Variants in TNRC18 observed in about 807,000 individuals in gnomAD.
TNRC18 encodes trinucleotide repeat-containing gene 18 protein.
Under a neutral mutation model 226.7 loss-of-function variants are expected in TNRC18, and 69 were observed. The observed-to-expected ratio is 0.30, with a 90% CI of 0.25 to 0.37. The LOEUF is 0.37. Ranked by LOEUF, TNRC18 falls within the 10% of genes least tolerant of loss-of-function variation. The pLI is 1.00. For synonymous variants in TNRC18, 2,449 were observed against 1,927.6 expected (o/e 1.27, Z -7.09); for missense variants, 4,754 against 4,256.6 (o/e 1.12, Z -3.25).
Position 5,309,470 on chromosome 7 carries a change from A to C in TNRC18, c.8389-102T>G. 1.0e-6 allele frequency: 1 copy of C among 993,420 alleles called. No homozygotes were observed. The highest frequency in any genetic ancestry group is 2.6e-5 in the East Asian group (1 of 38,034). The allele number at this position is 993,420 out of a possible 1,614,324, so 61.5% of individuals were successfully genotyped here. A position where few individuals can be genotyped will look rare whatever the true frequency, so the allele number is the denominator to read the frequency against. On this transcript the variant is annotated intron_variant, in intron 27 of 29. Transcript: ENST00000430969. The surrounding 1 kb of genome is among the most constrained non-coding windows in gnomAD (Gnocchi z 5.7). ...TGGGACTCTGGGCCCTCGGCCTCTA[A>C]ATCAACCCCTATCCAACTGTGGGGA...
At chr7:5,345,517 G>GCCGCCC in intron 18 of TNRC18, 45 bp downstream of exon 18, 1 of 377,744 alleles carries the variant, frequency 2.6e-6, no homozygotes, top group Non-Finnish European at 4.8e-6. Context: ...AATGGCGTCC[G>GCCGCCC]CCCCTCCCAC....
intron 18 of TNRC18, 39 bp downstream of exon 18, chr7:5,345,523 C>CCCCCCCCCCCCCCCCCCCCACCCACA: frequency 5.6e-6 from 1 of 179,160 alleles, no homozygotes; most frequent in Non-Finnish European, 1.2e-5. Context: ...GTCCGCCCCT[C>CCCCCCCCCCCCCCCCCCCCACCCACA]CCACCCACCC....
At chr7:5,359,678 A>G in intron 14 of TNRC18, 109 bp from the exon 15 acceptor site, 1 of 1,235,926 alleles carries the variant, frequency 8.1e-7, no homozygotes, top group Non-Finnish European at 1.2e-6. Context: ...GAGCGTGGAC[A>G]GTGATGGCAG....
intron 17 of TNRC18, among the ~76,000 whole-genome samples, chr7:5,349,283 G>A (rs914367174): frequency 1.2e-4 from 18 of 152,342 alleles, no homozygotes; most frequent in East Asian, 1.2e-3. Flanking sequence ...CTGGGGAGCA[G>A]AGGGGCTCTG....
At chr7:5,354,701 G>C (rs1417899498) in intron 16 of TNRC18, among the ~76,000 whole-genome samples, 1 of 152,090 alleles carries the variant, frequency 6.6e-6, no homozygotes, top group African/African-American at 2.4e-5. Context: ...CCCACAGGGA[G>C]CATGAGTCCT....
rs748289245 is a variant in TNRC18 at position 5,374,380 on chromosome 7, G to T, written c.2904C>A (p.Pro968=). The stretch of plus-strand genomic sequence containing the variant: ...CAGGGGGCTTCCGCGGCAGCAGCCC[G>T]GGGCCGGCGGTGGCCAGGCCAGCCT... ...AGKAGLATAG[P]GLLPRKPPGL... Residue 968 remains proline, a synonymous_variant, in exon 10 of 30, where the codon CCC becomes CCA. Coordinates refer to ENST00000430969, the MANE Select transcript of TNRC18 (RefSeq NM_001080495.3). 2.0e-6 allele frequency: 3 copies of T among 1,505,174 alleles called. No homozygotes were observed. The African/African-American group carries it at 4.4e-5, about 22-fold the overall frequency. The allele number at this position is 1,505,174 out of a possible 1,614,324, so 93.2% of individuals were successfully genotyped here.
At chr7:5,374,027 G>C (rs772100803) in intron 10 of TNRC18, 28 bp downstream of exon 10, 1 of 1,500,168 alleles carries the variant, frequency 6.7e-7, no homozygotes, top group African/African-American at 1.5e-5. Context: ...GGCAGAGTGA[G>C]ACCCTGAGGG....
Position 5,309,028 on chromosome 7 carries a change from C to G in TNRC18, c.8626-79G>C. On this transcript the variant is annotated intron_variant, in intron 28 of 29. Transcript: ENST00000430969. This position sits in a 1 kb window ranked among gnomAD's most constrained non-coding sequence, Gnocchi z 5.7. ...ACCCCAGGCCCCAGGACAGGGCTGA[C>G]CCACTGGGCAGGGCTGCTGATGCTC... The G allele has an allele frequency of 6.6e-7, 1 of 1,518,276 alleles. No homozygotes were observed. The highest frequency in any genetic ancestry group is 9.0e-7 in the Non-Finnish European group (1 of 1,116,386). The allele number at this position is 1,518,276 out of a possible 1,614,324, so 94.1% of individuals were successfully genotyped here.
At chr7:5,373,217 G>C (rs1411852867) in intron 10 of TNRC18, among the ~76,000 whole-genome samples, 1 of 152,174 alleles carries the variant, frequency 6.6e-6, no homozygotes, top group Non-Finnish European at 1.5e-5. Context: ...CCAGCTGCTT[G>C]AGAGGCTGAA....
At chr7:5,355,037 TCCA>T (rs996500601) in intron 16 of TNRC18, among the ~76,000 whole-genome samples, 27 of 152,252 alleles carry the variant, frequency 1.8e-4, no homozygotes, top group African/African-American at 6.3e-4. Flanking sequence ...GCAAAAGCTC[TCCA>T]CCCGCCCCAG....
In TNRC18 at chr7:5,315,067, T is replaced by C. The variant is rs1787706963; in HGVS notation, c.6944A>G (p.Lys2315Arg). Residue 2315 changes from lysine to arginine, a missense_variant, in exon 26 of 30, where the codon AAA becomes AGA. Coordinates refer to ENST00000430969, the MANE Select transcript of TNRC18 (RefSeq NM_001080495.3). Reference sequence around the variant, plus strand: ...CTCCGACCCAGCCGTGCCACCATCTTTGCCCTCCCCAGTGTCTTTGCTGGT... The same window carrying C: ...CTCCGACCCAGCCGTGCCACCATCTCTGCCCTCCCCAGTGTCTTTGCTGGT... ...RKTSKDTGEGKDGGTAGSEEP... is the reference protein window; with the variant it reads ...RKTSKDTGEGRDGGTAGSEEP... The C allele has an allele frequency of 6.2e-7, 1 of 1,612,132 alleles. No homozygotes were observed. The highest frequency in any genetic ancestry group is 8.5e-7 in the Non-Finnish European group (1 of 1,179,370).
At chr7:5,322,649 A>C (rs1788496028) in intron 21 of TNRC18, among the ~76,000 whole-genome samples, 1 of 152,212 alleles carries the variant, frequency 6.6e-6, no homozygotes, top group African/African-American at 2.4e-5. Context: ...GCCCGGGGGC[A>C]AACTTGCCGA....
chr7:5,361,878 G>T lies in TNRC18; in HGVS notation c.4532+19C>A, dbSNP rs751365981. 3 of 1,535,170 alleles carry T rather than the reference G, an allele frequency of 2.0e-6. No homozygotes were observed. Among genetic ancestry groups the T allele is most frequent in the Admixed American group, 4.0e-5 (2 of 49,818 alleles). On this transcript the variant is annotated intron_variant, in intron 13 of 29. Coordinates refer to ENST00000430969, the MANE Select transcript of TNRC18 (RefSeq NM_001080495.3). ...GGCCGGGGCAGGGGCCCCACGGGGC[G>T]GGCGGGGGACACACTCACTCGGAGT...
At position 5,361,650 on chromosome 7, in the gene TNRC18, G is replaced by T; in HGVS notation, c.4605C>A (p.Ala1535=). The T allele has an allele frequency of 6.4e-7, 1 of 1,559,410 alleles. No homozygotes were observed. The highest frequency in any genetic ancestry group is 2.4e-5 in the East Asian group (1 of 41,368). Residue 1535 remains alanine (A), a synonymous_variant, in exon 14 of 30, where the codon GCC becomes GCA. Coordinates refer to ENST00000430969, the MANE Select transcript of TNRC18 (RefSeq NM_001080495.3). ...GPGRPRKRTH[A]PSALSPPRKR... The stretch of plus-strand genomic sequence containing the variant: ...TGCGGGGGGGCGACAGGGCGCTCGG[G>T]GCGTGGGTCCGTTTCCGCGGCCTGC...
Position 5,388,689 on chromosome 7 carries a change from C to A in TNRC18, c.1135G>T (p.Glu379Ter). The change falls in exon 5 of 30, where the codon GAG (glutamate) becomes TAG (stop). Residue 379 changes from glutamate to a stop codon, truncating the protein, a stop_gained. Transcript: ENST00000430969. LOFTEE classifies it high-confidence loss of function. ...GGCCCCGGGCGCTCGTCGAAGGCCT[C>A]CACGGAAGGCACGAAGGTGGGCGCC... is the stretch of plus-strand genomic sequence containing the variant. ...VVAPTFVPSV[E>*]AFDERPGPIQ... The A allele has an allele frequency of 7.9e-7, 1 of 1,267,186 alleles. No homozygotes were observed. The highest frequency in any genetic ancestry group is 2.1e-5 in the South Asian group (1 of 47,828). 78.5% of individuals were successfully genotyped at this position (1,267,186 alleles called of 1,614,324 possible).
rs1331939838 is a variant in TNRC18 at position 5,334,516 on chromosome 7, C to G, written c.5720-1467G>C. ...GTTTCACCGTGTTAGGCAGGCTGGT[C>G]TCGAACTCCTGACCTTGTGATCTGC... On this transcript the variant is annotated intron_variant, in intron 18 of 29. Coordinates refer to ENST00000430969, the MANE Select transcript of TNRC18 (RefSeq NM_001080495.3). 3.3e-5 allele frequency among the ~76,000 whole-genome samples: 5 copies of G among 149,430 alleles called. No homozygotes were observed. The East Asian group carries it at 9.9e-4, about 30-fold the overall frequency.
intron 18 of TNRC18, 36 bp downstream of exon 18, chr7:5,345,526 A>ACAC: frequency 1.1e-5 from 2 of 177,496 alleles, no homozygotes; most frequent in Non-Finnish European, 2.2e-5. Context: ...CGCCCCTCCC[A>ACAC]CCCACCCCCA....
chr7:5,367,105 T>C (rs1793692904), intron 11 of TNRC18, among the ~76,000 whole-genome samples: 1 of 152,054 alleles, frequency 6.6e-6, no homozygotes, highest in African/African-American at 2.4e-5. Context: ...TGACTTACAC[T>C]TGTAATCCCA....
At position 5,423,606 on chromosome 7, in the gene TNRC18, G is replaced by C. The variant is rs1214005332; in HGVS notation, c.-409C>G. ...CTTTTTGCCCGCCTTTCCTTTTTTT[G>C]GTAGAAAACCGCTCCCCGGGCCGAG... On this transcript the variant is annotated 5_prime_UTR_variant, in exon 1 of 30. Transcript: ENST00000430969. 2 of 151,642 alleles carry C rather than the reference G, an allele frequency of 1.3e-5. No homozygotes were observed. Among genetic ancestry groups the C allele is most frequent in the Admixed American group, 1.3e-4 (2 of 15,214 alleles). 9.4% of individuals were successfully genotyped at this position (151,642 alleles called of 1,614,324 possible).
Sources: allele counts gnomAD v4.1 joint callset (sites outside exome capture counted in the v4.1 genomes callset), GRCh38; gene constraint gnomAD v4.1.1; non-coding constraint Gnocchi (gnomAD v3.1); transcripts MANE v1.5; gene names NCBI Gene and HGNC (gene_info 2026-07-23, HGNC 2026-07-21).